PCDH9: variants seen among roughly 807,000 people sequenced by gnomAD.
The protein encoded by PCDH9 is protocadherin-9.
A neutral mutation model predicts 70.6 loss-of-function variants in PCDH9; 24 were observed. The observed-to-expected ratio is 0.34, with a 90% CI of 0.25 to 0.48. The LOEUF (loss-of-function observed/expected upper bound fraction) is 0.48, where lower values mean the gene tolerates loss of function less well. Among genes scored for constraint, PCDH9 ranks in the 20% least tolerant of loss-of-function variants. The probability of loss-of-function intolerance (pLI) is 0.99; values close to 1 mark genes in which losing one functional copy is unlikely to be tolerated. For synonymous variants in PCDH9, 562 were observed against 558.5 expected, an observed-to-expected ratio of 1.01 and a Z score of -0.09; for missense variants, 1,281 against 1,503.6, an observed-to-expected ratio of 0.85 and a Z score of 2.45.
chr13:66,662,636 T>C (rs2078027819), intron 3 of PCDH9, among the ~76,000 whole-genome samples: 1 of 152,192 alleles, frequency 6.6e-6, no homozygotes, highest in Admixed American at 6.5e-5. Flanking sequence ...CAGACCGTCA[T>C]ACATGTTTGA....
At chr13:67,158,936 G>A (rs1347886040) in intron 2 of PCDH9, among the ~76,000 whole-genome samples, 1 of 152,160 alleles carries the variant, frequency 6.6e-6, no homozygotes, top group Non-Finnish European at 1.5e-5. Context: ...CGAAATAACA[G>A]TCTCCCTGTA....
At chr13:67,158,576 C>G (rs1414190652) in intron 2 of PCDH9, among the ~76,000 whole-genome samples, 2 of 152,112 alleles carry the variant, frequency 1.3e-5, no homozygotes, top group East Asian at 3.9e-4. Context: ...GTCTGCTATT[C>G]AATTAAAAAG....
intron 3 of PCDH9, among the ~76,000 whole-genome samples, chr13:66,829,692 T>C (rs1159106337): frequency 9.6e-6 from 1 of 103,806 alleles, no homozygotes; most frequent in African/African-American, 3.8e-5. Flanking sequence ...CACTCCAGCC[T>C]GGGCGACAGA....
At chr13:66,421,939 G>C (rs962095267) in intron 4 of PCDH9, among the ~76,000 whole-genome samples, 1 of 152,134 alleles carries the variant, frequency 6.6e-6, no homozygotes, top group Middle Eastern at 3.2e-3. Flanking sequence ...ACACACATAG[G>C]CTCAAAATAA....
At chr13:66,654,464 G>A (rs1375836902) in intron 3 of PCDH9, among the ~76,000 whole-genome samples, 2 of 151,944 alleles carry the variant, frequency 1.3e-5, no homozygotes. Context: ...ATTACTATAA[G>A]AGTATAATTA....
chr13:66,433,876 T>C (rs1184722082), intron 4 of PCDH9, among the ~76,000 whole-genome samples: 1 of 151,754 alleles, frequency 6.6e-6, no homozygotes, highest in Non-Finnish European at 1.5e-5. Flanking sequence ...ATTGAAGGAG[T>C]ATTAATTAAA....
rs1480525316 is a variant in PCDH9 at position 66,739,912 on chromosome 13, G to A, written c.3139-108501C>T. ...TAATGGGAGACTTTAACACCCCACT[G>A]TCAACATTAGACAGATCAACGAGAC... On this transcript the variant is annotated intron_variant, in intron 3 of 4. Transcript: ENST00000377865. Among the ~76,000 whole-genome samples, 46 of 146,474 alleles carry A rather than the reference G, an allele frequency of 3.1e-4. 2 individuals are homozygous for A. The East Asian group carries it at 7.7e-3, about 25-fold the overall frequency.
intron 3 of PCDH9, among the ~76,000 whole-genome samples, chr13:66,866,631 T>C (rs2081580958): frequency 6.6e-6 from 1 of 151,306 alleles, no homozygotes; most frequent in African/African-American, 2.4e-5. Flanking sequence ...ACCCCATCTT[T>C]ACTAAAAATA....
At chr13:66,665,255 T>C (rs1163739624) in intron 3 of PCDH9, among the ~76,000 whole-genome samples, 2 of 151,834 alleles carry the variant, frequency 1.3e-5, no homozygotes, top group African/African-American at 2.4e-5. Context: ...CCTGCCACCA[T>C]GCCCATATAA....
intron 2 of PCDH9, chr13:67,200,880 T>TA (rs2089194152): frequency 6.6e-6 from 1 of 152,092 alleles, no homozygotes; most frequent in Non-Finnish European, 1.5e-5. Context: ...ACAAGGGCTA[T>TA]AGCTGTTAAC....
chr13:67,226,332 C>A lies in PCDH9; in HGVS notation c.2109G>T (p.Val703=), dbSNP rs750254470. Residue 703 remains valine, a synonymous_variant, in exon 2 of 5, where the codon GTG becomes GTT. Coordinates refer to ENST00000377865, the MANE Select transcript of PCDH9 (RefSeq NM_203487.3). The surrounding 1 kb of genome is among the most constrained non-coding windows in gnomAD (Gnocchi z 5.0). The part of the protein sequence containing the change: ...PGSVVAEVFA[V]DVDTGMNAEL... Reference sequence around the variant, plus strand: ...CAGCGTTCATTCCAGTGTCAACATCCACTGCAAAAACTTCTGCTACCACGG... The same window carrying A: ...CAGCGTTCATTCCAGTGTCAACATCAACTGCAAAAACTTCTGCTACCACGG... 18 of 1,614,144 alleles carry A rather than the reference C, an allele frequency of 1.1e-5. No individual in the cohort carries two copies. The highest frequency in any genetic ancestry group is 1.3e-5 in the Non-Finnish European group (15 of 1,180,010).
intron 2 of PCDH9, among the ~76,000 whole-genome samples, chr13:67,152,188 G>T (rs1475258568): frequency 1.3e-5 from 2 of 152,170 alleles, no homozygotes; most frequent in Non-Finnish European, 2.9e-5. Context: ...ACACCCAGAA[G>T]AAACCTGTAT....
intron 2 of PCDH9, among the ~76,000 whole-genome samples, chr13:67,160,230 T>G (rs1189623092): frequency 6.6e-6 from 1 of 152,282 alleles, no homozygotes; most frequent in Non-Finnish European, 1.5e-5. Context: ...AGAAAATTAT[T>G]TTCATATTTC....
intron 4 of PCDH9, among the ~76,000 whole-genome samples, chr13:66,545,559 A>G (rs1300979426): frequency 6.6e-6 from 1 of 152,150 alleles, no homozygotes; most frequent in Non-Finnish European, 1.5e-5. Context: ...CCACGTCTAT[A>G]ACTATGGTCT....
intron 3 of PCDH9, among the ~76,000 whole-genome samples, chr13:66,850,089 T>A (rs1475912264): frequency 5.3e-5 from 8 of 152,264 alleles, no homozygotes; most frequent in Non-Finnish European, 8.8e-5. Flanking sequence ...CAATTATTGT[T>A]GTATTATAAT....
At chr13:66,890,231 G>A (rs1197932720) in intron 3 of PCDH9, among the ~76,000 whole-genome samples, 1 of 152,000 alleles carries the variant, frequency 6.6e-6, no homozygotes, top group Non-Finnish European at 1.5e-5. Context: ...TACTGCTCTT[G>A]TTCTCTGACA....
intron 4 of PCDH9, among the ~76,000 whole-genome samples, chr13:66,576,511 T>C (rs1247572231): frequency 2.6e-5 from 4 of 152,102 alleles, no homozygotes; most frequent in Non-Finnish European, 5.9e-5. Flanking sequence ...AAGAAACTAC[T>C]AATGAGACAT....
intron 4 of PCDH9, among the ~76,000 whole-genome samples, chr13:66,495,577 A>ATACATAC (rs1555299683): frequency 3.3e-5 from 5 of 150,938 alleles, no homozygotes; most frequent in East Asian, 2.0e-4. Flanking sequence ...TTGCAAAATA[A>ATACATAC]ATACATACAT....
At chr13:66,804,118 T>C (rs770900977) in intron 3 of PCDH9, among the ~76,000 whole-genome samples, 5 of 152,194 alleles carry the variant, frequency 3.3e-5, no homozygotes, top group African/African-American at 7.2e-5. Context: ...ACTGTTTTCA[T>C]TGAGAAGTCT....
Sources: allele counts gnomAD v4.1 joint callset (sites outside exome capture counted in the v4.1 genomes callset), GRCh38; gene constraint gnomAD v4.1.1; non-coding constraint Gnocchi (gnomAD v3.1); transcripts MANE v1.5; gene names NCBI Gene and HGNC (gene_info 2026-07-23, HGNC 2026-07-21).